PHACTR3: variants seen among roughly 807,000 people sequenced by gnomAD.
The protein encoded by PHACTR3 is protein phosphatase 1, regulatory subunit 123.
PHACTR3 carries 16 observed loss-of-function variants against 66.8 expected under a neutral mutation model. That is an observed-to-expected ratio of 0.24 (90% CI 0.16 to 0.36). PHACTR3 has a LOEUF of 0.36. Among genes scored for constraint, PHACTR3 ranks in the 10% least tolerant of loss-of-function variants. PHACTR3 has a pLI of 1.00. For synonymous variants in PHACTR3, 323 were observed against 292.1 expected (o/e 1.11, Z -1.08); for missense variants, 647 against 719.9 (o/e 0.90, Z 1.16).
chr20:59,816,401 C>G (rs1220362205), intron 8 of PHACTR3, among the ~76,000 whole-genome samples: 1 of 152,160 alleles, frequency 6.6e-6, no homozygotes, highest in Non-Finnish European at 1.5e-5. Flanking sequence ...GACTCTGGGT[C>G]CATGACAGTA....
At chr20:59,836,280 ACTAGT>A (rs1190909049) in intron 8 of PHACTR3, 3 of 523,866 alleles carry the variant, frequency 5.7e-6, no homozygotes, top group Non-Finnish European at 1.0e-5. Flanking sequence ...TGGAGCAAGG[ACTAGT>A]CTAGTATTAG....
At chr20:59,644,787 C>T (rs1289550349) in intron 1 of PHACTR3, among the ~76,000 whole-genome samples, 1 of 152,172 alleles carries the variant, frequency 6.6e-6, no homozygotes, top group Non-Finnish European at 1.5e-5. Flanking sequence ...TGCGCCTTCC[C>T]TTTGTGTCAC....
intron 7 of PHACTR3, among the ~76,000 whole-genome samples, chr20:59,777,161 CT>C (rs2040567191): frequency 6.6e-6 from 1 of 152,156 alleles, no homozygotes; most frequent in South Asian, 2.1e-4. Flanking sequence ...ACATAGCTGC[CT>C]CCTCTCCCTC....
At chr20:59,770,677 C>T (rs1431820263) in intron 5 of PHACTR3, among the ~76,000 whole-genome samples, 1 of 152,248 alleles carries the variant, frequency 6.6e-6, no homozygotes, top group Non-Finnish European at 1.5e-5. Flanking sequence ...TGATCACCCT[C>T]TGAGTCACTA....
At chr20:59,635,156 T>TCTCTTTCTTTC (rs2034829812) in intron 1 of PHACTR3, among the ~76,000 whole-genome samples, 1 of 67,174 alleles carries the variant, frequency 1.5e-5, no homozygotes, top group African/African-American at 6.3e-5. Flanking sequence ...TCTTTTTCTT[T>TCTCTTTCTTTC]CTTTCTTTCT....
intron 8 of PHACTR3, among the ~76,000 whole-genome samples, chr20:59,828,508 GT>G (rs879582379): frequency 4.6e-5 from 7 of 152,224 alleles, no homozygotes; most frequent in East Asian, 3.9e-4. Context: ...GTGTTATGTT[GT>G]TTTTTTGGTT....
intron 1 of PHACTR3, among the ~76,000 whole-genome samples, chr20:59,619,702 T>C (rs947561005): frequency 3.9e-5 from 6 of 152,178 alleles, no homozygotes; most frequent in Non-Finnish European, 8.8e-5. Flanking sequence ...AGTAAGCTTA[T>C]GGTTTTGTGT....
chr20:59,776,467 G>A (rs1278611786), intron 7 of PHACTR3, among the ~76,000 whole-genome samples: 3 of 152,164 alleles, frequency 2.0e-5, no homozygotes, highest in African/African-American at 4.8e-5. Context: ...GGCTCAGGGT[G>A]CACCTCGGAG....
intron 1 of PHACTR3, among the ~76,000 whole-genome samples, chr20:59,740,047 A>T (rs2039094419): frequency 6.6e-6 from 1 of 152,180 alleles, no homozygotes; most frequent in Admixed American, 6.5e-5. Flanking sequence ...TGAAGGTAAA[A>T]TAGGACAATG....
At chr20:59,661,396 C>T (rs1011987703) in intron 1 of PHACTR3, among the ~76,000 whole-genome samples, 5 of 152,086 alleles carry the variant, frequency 3.3e-5, no homozygotes, top group African/African-American at 9.7e-5. Flanking sequence ...ATGGAGAGAG[C>T]ACGTCTCAGA....
At chr20:59,700,477 A>G (rs1211819693) in intron 1 of PHACTR3, among the ~76,000 whole-genome samples, 3 of 152,268 alleles carry the variant, frequency 2.0e-5, no homozygotes, top group South Asian at 2.1e-4. Context: ...AAGATATTAT[A>G]TCAACTTATA....
At chr20:59,584,782 G>T (rs1233423163) in intron 1 of PHACTR3, among the ~76,000 whole-genome samples, 1 of 152,100 alleles carries the variant, frequency 6.6e-6, no homozygotes, top group Non-Finnish European at 1.5e-5. Flanking sequence ...ATCTGTCAAG[G>T]CCCAGCAGCG....
intron 1 of PHACTR3, among the ~76,000 whole-genome samples, chr20:59,677,813 A>G (rs1161432763): frequency 1.3e-5 from 2 of 152,190 alleles, no homozygotes; most frequent in Non-Finnish European, 2.9e-5. Context: ...CACATACACA[A>G]TCGAAGAATA....
chr20:59,600,831 C>G (rs996837073), upstream of PHACTR3, among the ~76,000 whole-genome samples: 5 of 152,048 alleles, frequency 3.3e-5, no homozygotes, highest in East Asian at 9.6e-4. Flanking sequence ...GAGCTTCTAT[C>G]TGATCTAGAA....
intron 1 of PHACTR3, among the ~76,000 whole-genome samples, chr20:59,685,042 A>G (rs2036810066): frequency 6.6e-6 from 1 of 151,994 alleles, no homozygotes; most frequent in South Asian, 2.1e-4. Flanking sequence ...AGTTCTCTGA[A>G]TTCTACTTGT....
intron 8 of PHACTR3, among the ~76,000 whole-genome samples, chr20:59,825,199 A>C (rs6128704): frequency 6.6e-6 from 1 of 152,144 alleles, no homozygotes; most frequent in Non-Finnish European, 1.5e-5. Context: ...TGGCACACAT[A>C]CTGCCTTTTG....
At chr20:59,674,855 C>T (rs1249218073) in intron 1 of PHACTR3, among the ~76,000 whole-genome samples, 1 of 72,414 alleles carries the variant, frequency 1.4e-5, no homozygotes, top group Non-Finnish European at 2.6e-5. Flanking sequence ...CTGCCTTCTC[C>T]TGTTGCCCCT....
Position 59,604,908 on chromosome 20 carries a change from T to TTTTTTTTTTTA in PHACTR3, c.-103_-102insTTTTTTATTTT. On this transcript the variant is annotated 5_prime_UTR_variant, in exon 1 of 13. Transcript: ENST00000371015. ...TTTTTTTTTTTTTTTTTAATTTTCTTTTTTAAAAAGACGCCCCCTCCAGCC... is the reference window on the plus strand; with the variant it reads ...TTTTTTTTTTTTTTTTTAATTTTCTTTTTTTTTTTTATTTTAAAAAGACGCCCCCTCCAGCC... The TTTTTTTTTTTA allele has an allele frequency of 8.3e-7, 1 of 1,198,052 alleles. No homozygotes were observed. The highest frequency in any genetic ancestry group is 1.0e-6 in the Non-Finnish European group (1 of 966,092). The allele number at this position is 1,198,052 out of a possible 1,614,324, so 74.2% of individuals were successfully genotyped here.
At chr20:59,772,047 CT>C (rs1326275009) in intron 5 of PHACTR3, among the ~76,000 whole-genome samples, 1 of 152,230 alleles carries the variant, frequency 6.6e-6, no homozygotes, top group Non-Finnish European at 1.5e-5. Context: ...TGAAAAGGAG[CT>C]GATGGTCTCA....
Sources: gnomAD v4.1 joint callset for allele counts (sites outside exome capture counted in the v4.1 genomes callset) on GRCh38, gnomAD v4.1.1 for gene constraint, MANE v1.5 for transcripts, NCBI Gene and HGNC (gene_info 2026-07-23, HGNC 2026-07-21) for gene names.